AFDN: variants seen among roughly 807,000 people sequenced by gnomAD.
The protein encoded by AFDN is afadin, adherens junction formation factor, also known as afadin.
AFDN carries 68 observed loss-of-function variants against 216.6 expected under a neutral mutation model. The observed-to-expected ratio is 0.31, with a 90% confidence interval of 0.26 to 0.38. The LOEUF is 0.38. Among genes scored for constraint, AFDN ranks in the 10% least tolerant of loss-of-function variants. AFDN has a pLI of 1.00. For missense variants in AFDN, 2,136 were observed against 2,342.0 expected (o/e 0.91, Z 1.82); for synonymous variants, 868 against 853.7 (o/e 1.02, Z -0.29).
At position 167,947,932 on chromosome 6, in the gene AFDN, C is replaced by T; in HGVS notation, c.3633C>T (p.Asn1211=). 3 of 1,612,984 alleles carry T rather than the reference C, an allele frequency of 1.9e-6. No homozygotes were observed. The highest frequency in any genetic ancestry group is 2.5e-6 in the Non-Finnish European group (3 of 1,178,990). Residue 1211 remains asparagine (N), a synonymous_variant, in exon 28 of 34, where the codon AAC becomes AAT. Coordinates refer to ENST00000683244, the MANE Select transcript of AFDN (RefSeq NM_001386888.1). ...TAKITSVSTG[N]LCTEEQTPPP... The stretch of plus-strand genomic sequence containing the variant: ...AGATAACATCTGTCTCTACTGGAAA[C>T]CTCTGCACTGAGGTCTGATTGATTG...
chr6:167,915,181 C>G lies in AFDN; in HGVS notation c.2313C>G (p.His771Gln). 1 of 1,614,118 alleles carries G rather than the reference C, an allele frequency of 6.2e-7. No individual in the cohort carries two copies. The highest frequency in any genetic ancestry group is 8.5e-7 in the Non-Finnish European group (1 of 1,180,028). The stretch of plus-strand genomic sequence containing the variant: ...CTGTCTGGGCAGATGATGTGCTGCA[C>G]ACGCTCACAGGAGCCATGTCCTTGC... Reference protein sequence around the residue: ...LQRPKIDDVLHTLTGAMSLLR... With the variant: ...LQRPKIDDVLQTLTGAMSLLR... Residue 771 changes from histidine (H) to glutamine (Q), a missense_variant, in exon 19 of 34, where the codon CAC (histidine) becomes CAG (glutamine). This residue lies in a region of AFDN where 817 missense variants were observed against 965.7 expected (regional missense o/e 0.85). Coordinates refer to ENST00000683244, the MANE Select transcript of AFDN (RefSeq NM_001386888.1).
chr6:167,881,296 C>G (rs1394736345), intron 6 of AFDN, among the ~76,000 whole-genome samples: 1 of 152,162 alleles, frequency 6.6e-6, no homozygotes, highest in Non-Finnish European at 1.5e-5. Context: ...TGATTTGAAG[C>G]TTATGAATAC....
At chr6:167,828,477 C>T (rs1319406567) in intron 1 of AFDN, among the ~76,000 whole-genome samples, 1 of 152,126 alleles carries the variant, frequency 6.6e-6, no homozygotes, top group Non-Finnish European at 1.5e-5. Flanking sequence ...TGAATACTGA[C>T]ACACGCCATT....
intron 6 of AFDN, among the ~76,000 whole-genome samples, chr6:167,882,043 G>A (rs751339194): frequency 2.6e-5 from 4 of 152,064 alleles, no homozygotes; most frequent in Non-Finnish European, 4.4e-5. Context: ...TTAAAACGGG[G>A]ACAGATAACA....
Position 167,951,546 on chromosome 6 carries a change from C to T in AFDN, c.4192C>T (p.Pro1398Ser). 6.2e-7 allele frequency: 1 copy of T among 1,613,730 alleles called. No individual in the cohort carries two copies. The highest frequency in any genetic ancestry group is 8.5e-7 in the Non-Finnish European group (1 of 1,179,848). ...GTCCATGGATTTGCCTCTCCCACCA[C>T]CCCCTTCCGCCAACCAGATAGGGCT... ...GMSMDLPLPP[P>S]PSANQIGLPS... Residue 1398 changes from proline (P) to serine (S), a missense_variant, in exon 30 of 34, where the codon CCC (proline) becomes TCC (serine). This residue lies in a region of AFDN where 981 missense variants were observed against 966.0 expected (regional missense o/e 1.02). Transcript: ENST00000683244. This position sits in a 1 kb window ranked among gnomAD's most constrained non-coding sequence, Gnocchi z 7.1.
chr6:167,946,422 T>A (rs906016459), intron 26 of AFDN, among the ~76,000 whole-genome samples: 10 of 152,152 alleles, frequency 6.6e-5, no homozygotes, highest in African/African-American at 2.2e-4. Flanking sequence ...ATTTTTTTTT[T>A]AAAGATACTT....
At chr6:167,826,690 C>T (rs1779081246), upstream of AFDN, 3 of 442,936 alleles carry the variant, frequency 6.8e-6, no homozygotes, top group Admixed American at 2.3e-5. Context: ...CCGGTACCGC[C>T]GGTTGGGACC....
At chr6:167,903,203 A>G (rs1789209456) in intron 12 of AFDN, among the ~76,000 whole-genome samples, 1 of 152,242 alleles carries the variant, frequency 6.6e-6, no homozygotes. Context: ...GTGGCTAAAC[A>G]GCAACCATTT....
intron 23 of AFDN, among the ~76,000 whole-genome samples, chr6:167,942,738 T>G (rs1794843203): frequency 6.6e-6 from 1 of 152,226 alleles, no homozygotes; most frequent in Non-Finnish European, 1.5e-5. Flanking sequence ...TTTAAAATCT[T>G]AAACTATACG....
At chr6:167,864,773 A>G in intron 2 of AFDN, 27 bp downstream of exon 2, 1 of 1,609,836 alleles carries the variant, frequency 6.2e-7, no homozygotes, top group Non-Finnish European at 8.5e-7. Context: ...AGGGTTTGCT[A>G]GAGGCATGAC....
At chr6:167,924,902 C>T in intron 22 of AFDN, 103 bp from the exon 23 acceptor site, 4 of 832,294 alleles carry the variant, frequency 4.8e-6, no homozygotes, top group East Asian at 2.4e-5. Context: ...TTTTCTTTCC[C>T]CATTTGCTCC....
At position 167,965,877 on chromosome 6, in the gene AFDN, C is replaced by G; in HGVS notation, c.5089C>G (p.Arg1697Gly). The change falls in exon 32 of 34, where the codon CGG (arginine) becomes GGG (glycine). Residue 1697 changes from arginine (R) to glycine (G), a missense_variant. Around this residue, in one of 8 missense-constraint regions of AFDN, gnomAD observed 981 missense variants for 966.0 expected, o/e 1.02. Transcript: ENST00000683244. ...CGGTCTGTGCCGCCCTCCGCTTCCCCGGGACTACGAGCCCCCGTCCCCGTC... is the reference window on the plus strand; with the variant it reads ...CGGTCTGTGCCGCCCTCCGCTTCCCGGGGACTACGAGCCCCCGTCCCCGTC... Reference protein sequence around the residue: ...APGLCRPPLPRDYEPPSPSPA... With the variant: ...APGLCRPPLPGDYEPPSPSPA... The G allele has an allele frequency of 6.5e-7, 1 of 1,548,932 alleles. No homozygotes were observed. The highest frequency in any genetic ancestry group is 8.7e-7 in the Non-Finnish European group (1 of 1,146,448).
At chr6:167,868,450 A>G (rs1417172465) in intron 2 of AFDN, among the ~76,000 whole-genome samples, 1 of 152,198 alleles carries the variant, frequency 6.6e-6, no homozygotes, top group African/African-American at 2.4e-5. Flanking sequence ...TGTATCTCAT[A>G]TTTATCATTT....
chr6:167,914,760 C>G, intron 18 of AFDN, 22 bp downstream of exon 18: 2 of 1,491,346 alleles, frequency 1.3e-6, no homozygotes, highest in Non-Finnish European at 1.9e-6. Flanking sequence ...TTCTGACTGT[C>G]TCCCTCTATC....
At chr6:167,896,123 T>C (rs1362427695) in intron 9 of AFDN, among the ~76,000 whole-genome samples, 2 of 152,078 alleles carry the variant, frequency 1.3e-5, no homozygotes, top group Non-Finnish European at 2.9e-5. Flanking sequence ...ACTAGAGGGC[T>C]TCGGCAGAGC....
chr6:167,854,532 T>G (rs1782683431), intron 1 of AFDN, among the ~76,000 whole-genome samples: 1 of 152,012 alleles, frequency 6.6e-6, no homozygotes, highest in Admixed American at 6.6e-5. Flanking sequence ...TAAGTTTTCA[T>G]GGAGTTTATC....
At chr6:167,904,554 A>G (rs891828532) in intron 12 of AFDN, among the ~76,000 whole-genome samples, 2 of 152,156 alleles carry the variant, frequency 1.3e-5, no homozygotes, top group African/African-American at 2.4e-5. Flanking sequence ...CCACTTGCAT[A>G]TCCTGTACAT....
chr6:167,934,967 G>A (rs561718827), intron 23 of AFDN, among the ~76,000 whole-genome samples: 49 of 152,292 alleles, frequency 3.2e-4, no homozygotes, highest in Non-Finnish European at 5.6e-4. Flanking sequence ...TTATAGGTGC[G>A]TGCTTCTTTC....
intron 26 of AFDN, among the ~76,000 whole-genome samples, chr6:167,944,666 A>G (rs1795064604): frequency 2.0e-5 from 3 of 152,146 alleles, no homozygotes; most frequent in Non-Finnish European, 2.9e-5. Context: ...ACACAAACCT[A>G]GATGGTGTAG....
Sources: allele counts gnomAD v4.1 joint callset (sites outside exome capture counted in the v4.1 genomes callset), GRCh38; gene constraint gnomAD v4.1.1; regional missense constraint gnomAD v4.1.1; non-coding constraint Gnocchi (gnomAD v3.1); transcripts MANE v1.5; gene names NCBI Gene and HGNC (gene_info 2026-07-23, HGNC 2026-07-21).